UBE2W: variants seen among roughly 807,000 people sequenced by gnomAD.
The protein encoded by UBE2W is ubiquitin-conjugating enzyme E2 W.
A neutral mutation model predicts 27.2 loss-of-function variants in UBE2W; 18 were observed. That is an observed-to-expected ratio of 0.66 (90% CI 0.46 to 0.98). UBE2W has a LOEUF of 0.98. Among genes scored for constraint, UBE2W ranks in the 50% least tolerant of loss-of-function variants. The pLI, the probability that UBE2W is intolerant of heterozygous loss-of-function variation, is 0.00. For missense variants in UBE2W, 90 were observed against 180.2 expected (o/e 0.50, Z 2.87); for synonymous variants, 53 against 57.2 (o/e 0.93, Z 0.33).
At chr8:73,831,749 GGTCTCACTAT>G (rs1474937973) in intron 1 of UBE2W, 4 of 151,702 alleles carry the variant, frequency 2.6e-5, no homozygotes, top group Non-Finnish European at 2.9e-5. Flanking sequence ...GTAGAGACAG[GGTCTCACTAT>G]GTTGCACAGG....
chr8:73,840,548 T>C (rs567213012), intron 1 of UBE2W, among the ~76,000 whole-genome samples: 3 of 152,200 alleles, frequency 2.0e-5, no homozygotes, highest in Non-Finnish European at 4.4e-5. Context: ...AACCAAGAAA[T>C]TGATAAAATT....
intron 4 of UBE2W, chr8:73,780,528 A>AATTT (rs10569270): frequency 6.6e-6 from 3 of 451,814 alleles, no homozygotes; most frequent in East Asian, 7.0e-5. Context: ...CTGAAAAAAA[A>AATTT]ATTTATTTAT....
chr8:73,852,521 T>C (rs1232801587), intron 1 of UBE2W, among the ~76,000 whole-genome samples: 1 of 152,136 alleles, frequency 6.6e-6, no homozygotes, highest in African/African-American at 2.4e-5. Flanking sequence ...AAGCAGTAAT[T>C]AGCACTAAGC....
intron 1 of UBE2W, among the ~76,000 whole-genome samples, chr8:73,848,835 C>T (rs567538099): frequency 6.6e-6 from 1 of 152,268 alleles, no homozygotes; most frequent in African/African-American, 2.4e-5. Flanking sequence ...GGTGTATTCA[C>T]TTTGTGAATA....
chr8:73,780,610 C>A lies in UBE2W; in HGVS notation c.430-93G>T, dbSNP rs955678044. 8.3e-5 allele frequency: 34 copies of A among 407,904 alleles called. 1 individual carries two copies. The highest frequency in any genetic ancestry group is 6.1e-4 in the South Asian group (33 of 54,264). The allele number at this position is 407,904 out of a possible 1,614,324, so 25.3% of individuals were successfully genotyped here. On this transcript the variant is annotated intron_variant, in intron 4 of 4. Transcript: ENST00000523278. Reference sequence around the variant, plus strand: ...TGCAGTGGCACAATGCAACCTCCATCTCCCAGGTTGAAGCAATCTTCACAC... The same window carrying A: ...TGCAGTGGCACAATGCAACCTCCATATCCCAGGTTGAAGCAATCTTCACAC...
At chr8:73,866,290 A>AAAAATATAT (rs1248216873) in intron 1 of UBE2W, among the ~76,000 whole-genome samples, 2 of 43,090 alleles carry the variant, frequency 4.6e-5, no homozygotes, top group Non-Finnish European at 8.4e-5. Flanking sequence ...AAAAAAAAAA[A>AAAAATATAT]ATATATATAT....
At chr8:73,785,216 G>A (rs529884081), downstream of UBE2W, among the ~76,000 whole-genome samples, 5 of 152,102 alleles carry the variant, frequency 3.3e-5, no homozygotes, top group Admixed American at 3.3e-4. Flanking sequence ...TGTGGTCTCA[G>A]CTCACTGCAA....
At chr8:73,877,355 C>T (rs577736839) in intron 1 of UBE2W, among the ~76,000 whole-genome samples, 1 of 152,152 alleles carries the variant, frequency 6.6e-6, no homozygotes, top group East Asian at 1.9e-4. Flanking sequence ...CCTGTTTTTT[C>T]CCTGCACCAT....
rs538906873 is a variant in UBE2W at position 73,870,672 on chromosome 8, T to C, written c.15+8136A>G. Among the ~76,000 whole-genome samples the C allele has an allele frequency of 3.0e-4, 45 of 151,318 alleles. 1 individual carries two copies. In the South Asian group the frequency reaches 9.0e-3, roughly 30 times the overall value. ...AGGCACTAGGTTACATCCAAGAAAATAGAAAATAAGCTAATTAATACATAG... is the reference window on the plus strand; with the variant it reads ...AGGCACTAGGTTACATCCAAGAAAACAGAAAATAAGCTAATTAATACATAG... On this transcript the variant is annotated intron_variant, in intron 1 of 5. Coordinates refer to ENST00000602593, the MANE Select transcript of UBE2W (RefSeq NM_018299.6).
At position 73,792,765 on chromosome 8, in the gene UBE2W, G is replaced by C. The variant is rs1188801946; in HGVS notation, c.*1337C>G. 2.0e-6 allele frequency: 2 copies of C among 985,268 alleles called. No individual in the cohort carries two copies. The highest frequency in any genetic ancestry group is 2.4e-6 in the Non-Finnish European group (2 of 829,662). 61.0% of individuals were successfully genotyped at this position (985,268 alleles called of 1,614,324 possible). On this transcript the variant is annotated 3_prime_UTR_variant, in exon 6 of 6. Transcript: ENST00000602593. Reference sequence around the variant, plus strand: ...AGTTGTAGTATCATTAACTCACATGGTACTGAGAACTGGACCTTTCAACAA... The same window carrying C: ...AGTTGTAGTATCATTAACTCACATGCTACTGAGAACTGGACCTTTCAACAA...
Position 73,786,637 on chromosome 8 carries a change from C to T in UBE2W, c.*7465G>A, listed in dbSNP as rs1309396717. ...TCTAGGAGGGAAGAACATTAGCAGA[C>T]GGCAGTGGAAGCTTGCATTGCTACT... On this transcript the variant is annotated 3_prime_UTR_variant, in exon 6 of 6. Coordinates refer to ENST00000602593, the MANE Select transcript of UBE2W (RefSeq NM_018299.6). The T allele has an allele frequency of 2.9e-5, 29 of 985,278 alleles. No individual in the cohort carries two copies. The highest frequency in any genetic ancestry group is 6.2e-5 in the Admixed American group (1 of 16,258). The allele number at this position is 985,278 out of a possible 1,614,324, so 61.0% of individuals were successfully genotyped here. A position where few individuals can be genotyped will look rare whatever the true frequency, so the allele number is the denominator to read the frequency against.
At chr8:73,805,472 C>CAAAAAAAAAACAAAAAACAAAAAAAA in intron 5 of UBE2W, among the ~76,000 whole-genome samples, 179 bp downstream of exon 5, 2 of 43,692 alleles carry the variant, frequency 4.6e-5, no homozygotes, top group Non-Finnish European at 9.9e-5. Context: ...AAAAAAAAAA[C>CAAAAAAAAAACAAAAAACAAAAAAAA]AAAAAAAACT....
chr8:73,831,225 G>C (rs1374185791), intron 1 of UBE2W: 1 of 377,184 alleles, frequency 2.7e-6, no homozygotes, highest in East Asian at 7.6e-5. Flanking sequence ...AGACCTAGAA[G>C]GCATGAAAAG....
intron 1 of UBE2W, among the ~76,000 whole-genome samples, chr8:73,873,629 C>T (rs181461567): frequency 4.6e-5 from 7 of 152,256 alleles, no homozygotes; most frequent in Non-Finnish European, 1.0e-4. Context: ...GCACTCTAGC[C>T]TGGGTGACAG....
At chr8:73,825,392 A>G (rs1259750689) in intron 2 of UBE2W, 143 bp from the exon 3 acceptor site, 4 of 566,968 alleles carry the variant, frequency 7.1e-6, no homozygotes, top group Non-Finnish European at 1.3e-5. Flanking sequence ...GCCTCCCAAT[A>G]ACTCTCTTAC....
Position 73,792,776 on chromosome 8 carries a change from T to G in UBE2W, c.*1326A>C. ...CATTAACTCACATGGTACTGAGAAC[T>G]GGACCTTTCAACAATTTTTTTTTTC... is the stretch of plus-strand genomic sequence containing the variant. On this transcript the variant is annotated 3_prime_UTR_variant, in exon 6 of 6. Coordinates refer to ENST00000602593, the MANE Select transcript of UBE2W (RefSeq NM_018299.6). The G allele has an allele frequency of 1.0e-6, 1 of 985,658 alleles. No individual in the cohort carries two copies. The highest frequency in any genetic ancestry group is 1.2e-6 in the Non-Finnish European group (1 of 829,802). 61.1% of individuals were successfully genotyped at this position (985,658 alleles called of 1,614,324 possible). A position where few individuals can be genotyped will look rare whatever the true frequency, so the allele number is the denominator to read the frequency against.
intron 1 of UBE2W, among the ~76,000 whole-genome samples, chr8:73,863,485 G>A (rs1195351937): frequency 1.2e-4 from 18 of 149,644 alleles, no homozygotes; most frequent in South Asian, 4.2e-4. Flanking sequence ...GCTAGATGAC[G>A]AGTTAGTGGG....
chr8:73,870,827 G>GAA lies in UBE2W; in HGVS notation c.15+7979_15+7980dup, dbSNP rs60577226. Reference sequence around the variant, plus strand: ...ATTTGAACAAAGCTATGAGTGAAAAGAAAAAAAAAAAAAAAAAAAGGAAGC... The same window carrying GAA: ...ATTTGAACAAAGCTATGAGTGAAAAGAAAAAAAAAAAAAAAAAAAAAGGAAGC... On this transcript the variant is annotated intron_variant, in intron 1 of 5. Coordinates refer to ENST00000602593, the MANE Select transcript of UBE2W (RefSeq NM_018299.6). Among the ~76,000 whole-genome samples the GAA allele has an allele frequency of 1.5e-3, 147 of 99,530 alleles. 5 individuals are homozygous for GAA. The highest frequency in any genetic ancestry group is 4.8e-3 in the African/African-American group (135 of 28,162). 65.3% of individuals were successfully genotyped at this position (99,530 alleles called of 152,430 possible). A position where few individuals can be genotyped will look rare whatever the true frequency, so the allele number is the denominator to read the frequency against.
intron 1 of UBE2W, among the ~76,000 whole-genome samples, chr8:73,832,891 T>G (rs944273361): frequency 1.3e-5 from 2 of 152,130 alleles, no homozygotes; most frequent in Admixed American, 1.3e-4. Flanking sequence ...GCTTTCTAAT[T>G]ATAAAACCCA....
Sources: allele counts gnomAD v4.1 joint callset (sites outside exome capture counted in the v4.1 genomes callset), GRCh38; gene constraint gnomAD v4.1.1; transcripts MANE v1.5; gene names NCBI Gene and HGNC (gene_info 2026-07-23, HGNC 2026-07-21).